PIEZO2: variants seen among roughly 807,000 people sequenced by gnomAD.
PIEZO2 encodes the protein piezo-type mechanosensitive ion channel component 2.
A neutral mutation model predicts 337.3 loss-of-function variants in PIEZO2; 172 were observed. The observed-to-expected ratio is 0.51, with a 90% CI of 0.45 to 0.58. PIEZO2 has a LOEUF of 0.58. Ranked by LOEUF, PIEZO2 falls within the 20% of genes least tolerant of loss-of-function variation. PIEZO2 has a pLI of 0.00. For synonymous variants in PIEZO2, 1,251 were observed against 1,228.5 expected (o/e 1.02, Z -0.38); for missense variants, 3,028 against 3,391.3 (o/e 0.89, Z 2.66).
At chr18:11,081,759 CT>C (rs547000060) in intron 1 of PIEZO2, among the ~76,000 whole-genome samples, 3,819 of 137,410 alleles carry the variant, frequency 0.028, 60 homozygotes, top group Admixed American at 0.046. Flanking sequence ...CTCAACTCAA[CT>C]TTTTTTTTTT....
intron 1 of PIEZO2, among the ~76,000 whole-genome samples, chr18:11,145,283 C>T (rs1250996342): frequency 2.0e-5 from 3 of 152,052 alleles, no homozygotes; most frequent in African/African-American, 7.2e-5. Flanking sequence ...TTAACACTCA[C>T]GAATCACATA....
Position 10,677,747 on chromosome 18 carries a change from A to C in PIEZO2, c.8081T>G (p.Val2694Gly). ...GNSTESSKTP[V>G]TIEKIYPYYV... ...TATTAGTAGGAAAAAATACACTTAC[A>C]CTGGTGTTTTTGAACTTTCTGTGCT... is the stretch of plus-strand genomic sequence containing the variant. Residue 2694 changes from valine (V) to glycine (G), a missense_variant and splice_region_variant, in exon 53 of 56, where the codon GTG (valine) becomes GGG (glycine). Val to Gly is a moderately radical substitution (Grantham distance 109). Coordinates refer to ENST00000674853, the MANE Select transcript of PIEZO2 (RefSeq NM_001378183.1). The surrounding 1 kb of genome is among the most constrained non-coding windows in gnomAD (Gnocchi z 4.1). 2.5e-6 allele frequency: 4 copies of C among 1,608,424 alleles called. No homozygotes were observed. The highest frequency in any genetic ancestry group is 3.4e-6 in the Non-Finnish European group (4 of 1,178,734).
rs956505430 is a variant in PIEZO2, at chr18:11,094,560, C to T, written c.65-28338G>A. On this transcript the variant is annotated intron_variant, in intron 1 of 55. Transcript: ENST00000674853. The surrounding 1 kb of genome is among the most constrained non-coding windows in gnomAD (Gnocchi z 4.4). Reference sequence around the variant, plus strand: ...AAAAGCAGTCGCTAATTAATAAGTGCAGGCACTCAGAAGCCTCGCTGTCCC... The same window carrying T: ...AAAAGCAGTCGCTAATTAATAAGTGTAGGCACTCAGAAGCCTCGCTGTCCC... 5.9e-5 allele frequency among the ~76,000 whole-genome samples: 9 copies of T among 152,172 alleles called. No individual in the cohort carries two copies. Among genetic ancestry groups the T allele is most frequent in the Non-Finnish European group, 1.3e-4 (9 of 68,038 alleles).
intron 2 of PIEZO2, among the ~76,000 whole-genome samples, chr18:11,030,137 C>A (rs1048848427): frequency 6.6e-6 from 1 of 152,148 alleles, no homozygotes; most frequent in African/African-American, 2.4e-5. Context: ...CTCATTCCAG[C>A]CACAAAGCCA....
chr18:10,816,647 T>C (rs2040372678), intron 7 of PIEZO2, among the ~76,000 whole-genome samples: 1 of 150,732 alleles, frequency 6.6e-6, no homozygotes, highest in South Asian at 2.1e-4. Context: ...AATCATTATA[T>C]AGTATTGACA....
At chr18:11,123,314 C>T (rs1011098643) in intron 1 of PIEZO2, among the ~76,000 whole-genome samples, 2 of 152,158 alleles carry the variant, frequency 1.3e-5, no homozygotes, top group Non-Finnish European at 2.9e-5. Flanking sequence ...TTAAATAGGG[C>T]AGGTAAAGTA....
At chr18:10,867,240 T>C (rs1048927819) in intron 5 of PIEZO2, among the ~76,000 whole-genome samples, 2 of 152,216 alleles carry the variant, frequency 1.3e-5, no homozygotes, top group African/African-American at 4.8e-5. Context: ...ACTGAGCACA[T>C]GTTGAAAGCC....
rs536409655 is a variant in PIEZO2, at chr18:10,828,161, A to G, written c.918-20887T>C. The stretch of plus-strand genomic sequence containing the variant: ...TTTTGTTTTTTTTTTTTTTTACAGT[A>G]AAACCAATCCTGTATGTAGTCATAA... On this transcript the variant is annotated intron_variant, in intron 7 of 55. Coordinates refer to ENST00000674853, the MANE Select transcript of PIEZO2 (RefSeq NM_001378183.1). The surrounding 1 kb of genome is among the most constrained non-coding windows in gnomAD (Gnocchi z 4.1). Among the ~76,000 whole-genome samples the G allele has an allele frequency of 2.0e-5, 3 of 151,062 alleles. No individual in the cohort carries two copies. The highest frequency in any genetic ancestry group is 1.9e-4 in the East Asian group (1 of 5,170).
intron 26 of PIEZO2, 35 bp from the exon 27 acceptor site, chr18:10,758,169 C>T: frequency 6.5e-7 from 1 of 1,529,364 alleles, no homozygotes; most frequent in Non-Finnish European, 8.8e-7. Flanking sequence ...TAAGCCGCCT[C>T]ATCCTCTTCT....
At position 10,899,687 on chromosome 18, in the gene PIEZO2, A is replaced by G. The variant is rs2042995017; in HGVS notation, c.329+11499T>C. Among the ~76,000 whole-genome samples the G allele has an allele frequency of 6.6e-6, 1 of 152,228 alleles. No homozygotes were observed. The highest frequency in any genetic ancestry group is 2.4e-5 in the African/African-American group (1 of 41,466). Reference sequence around the variant, plus strand: ...CCCAACTGTTACCTCCATATCAAACAGCATGAATTTCCTGTCTACTGTTCA... The same window carrying G: ...CCCAACTGTTACCTCCATATCAAACGGCATGAATTTCCTGTCTACTGTTCA... On this transcript the variant is annotated intron_variant, in intron 4 of 55. Coordinates refer to ENST00000674853, the MANE Select transcript of PIEZO2 (RefSeq NM_001378183.1). The surrounding 1 kb of genome is among the most constrained non-coding windows in gnomAD (Gnocchi z 4.6).
chr18:11,099,760 A>G lies in PIEZO2; in HGVS notation c.65-33538T>C, dbSNP rs1214572058. On this transcript the variant is annotated intron_variant, in intron 1 of 55. Coordinates refer to ENST00000674853, the MANE Select transcript of PIEZO2 (RefSeq NM_001378183.1). This position sits in a 1 kb window ranked among gnomAD's most constrained non-coding sequence, Gnocchi z 5.4. ...AGGCGTGAGCCACTGTGCCCGTCCT[A>G]TATCTTTATTCTTAATGAGGTTGAT... Among the ~76,000 whole-genome samples, 3 of 152,204 alleles carry G rather than the reference A, an allele frequency of 2.0e-5. No individual in the cohort carries two copies. Among genetic ancestry groups the G allele is most frequent in the Non-Finnish European group, 4.4e-5 (3 of 68,030 alleles).
At chr18:10,762,738 G>T (rs1374574069) in intron 22 of PIEZO2, 113 bp from the exon 23 acceptor site, 63 of 1,363,296 alleles carry the variant, frequency 4.6e-5, no homozygotes, top group Non-Finnish European at 5.9e-5. Flanking sequence ...GGAGGGACAG[G>T]CCCATTTCAG....
chr18:10,995,410 A>G (rs115457139), intron 2 of PIEZO2, among the ~76,000 whole-genome samples: 5,055 of 149,880 alleles, frequency 0.034, 144 homozygotes, highest in African/African-American at 0.074. Context: ...ATTTTCTCCT[A>G]CTCTGGGGGT....
rs149143033 is a variant in PIEZO2, at chr18:10,953,477, A to G, written c.286+26058T>C. Among the ~76,000 whole-genome samples, 745 of 152,282 alleles carry G rather than the reference A, an allele frequency of 4.9e-3. 11 individuals are homozygous for G. The highest frequency in any genetic ancestry group is 0.017 in the African/African-American group (702 of 41,558). On this transcript the variant is annotated intron_variant, in intron 3 of 55. Transcript: ENST00000674853. The surrounding 1 kb of genome is among the most constrained non-coding windows in gnomAD (Gnocchi z 5.2). ...TCTTTTTTTAATATAAAAAAACACT[A>G]TTGTTGAAAAGTGTATTCTTTCTTC... is the stretch of plus-strand genomic sequence containing the variant.
chr18:10,705,326 G>A lies in PIEZO2; in HGVS notation c.5999+10C>T, dbSNP rs1469764205. ...GGGATATGTGTCTGATCTGTTCACT[G>A]GACCCTTACTTTTTCAGCAGCAGCT... On this transcript the variant is annotated intron_variant, in intron 41 of 55. Transcript: ENST00000674853. The A allele has an allele frequency of 1.2e-5, 18 of 1,525,804 alleles. No individual in the cohort carries two copies. The highest frequency in any genetic ancestry group is 1.6e-5 in the Non-Finnish European group (18 of 1,140,890). 94.5% of individuals were successfully genotyped at this position (1,525,804 alleles called of 1,614,324 possible).
intron 15 of PIEZO2, among the ~76,000 whole-genome samples, 184 bp from the exon 16 acceptor site, chr18:10,787,368 C>G (rs76227669): frequency 6.6e-6 from 1 of 152,138 alleles, no homozygotes; most frequent in Non-Finnish European, 1.5e-5. Context: ...TGGGTTAGAA[C>G]CCCAGTTTTA....
chr18:10,924,246 G>A (rs530654620), intron 3 of PIEZO2, among the ~76,000 whole-genome samples: 6 of 152,180 alleles, frequency 3.9e-5, no homozygotes, highest in South Asian at 4.2e-4. Flanking sequence ...TTGGCGCACC[G>A]TTATGTTTTG....
intron 3 of PIEZO2, among the ~76,000 whole-genome samples, chr18:10,927,452 C>T (rs969492718): frequency 6.6e-6 from 1 of 152,156 alleles, no homozygotes; most frequent in Non-Finnish European, 1.5e-5. Context: ...CGGAGAGGAG[C>T]TGATGTAACA....
In PIEZO2 at chr18:10,768,761, G is replaced by T. The variant is rs150597209; in HGVS notation, c.2946+1387C>A. Among the ~76,000 whole-genome samples, 178 of 152,312 alleles carry T rather than the reference G, an allele frequency of 1.2e-3. 2 individuals carry two copies. In the East Asian group the frequency reaches 0.031, roughly 27 times the overall value. On this transcript the variant is annotated intron_variant, in intron 21 of 55. Transcript: ENST00000674853. ...AGATATTCTGTTTACTTGATGGTCT[G>T]TTAACAAGTTTATGTCTGGGGACTC...
Sources: allele counts gnomAD v4.1 joint callset (sites outside exome capture counted in the v4.1 genomes callset), GRCh38; gene constraint gnomAD v4.1.1; non-coding constraint Gnocchi (gnomAD v3.1); transcripts MANE v1.5; gene names NCBI Gene and HGNC (gene_info 2026-07-23, HGNC 2026-07-21).